The following PLCG2 variants were observed in gnomAD, a reference collection of about 807,000 sequenced individuals.
The protein encoded by PLCG2 is 1-phosphatidylinositol 4,5-bisphosphate phosphodiesterase gamma-2.
A neutral mutation model predicts 175.6 loss-of-function variants in PLCG2; 69 were observed. That is an observed-to-expected ratio of 0.39 (90% CI 0.32 to 0.48). The LOEUF (loss-of-function observed/expected upper bound fraction) is 0.48. Ranked by LOEUF, PLCG2 falls within the 20% of genes least tolerant of loss-of-function variation. The pLI, the probability that PLCG2 is intolerant of heterozygous loss-of-function variation, is 0.91. For synonymous variants in PLCG2, 827 were observed against 624.0 expected, an observed-to-expected ratio of 1.33 and a Z score of -4.85; for missense variants, 1,798 against 1,650.9, an observed-to-expected ratio of 1.09 and a Z score of -1.54.
upstream of PLCG2, among the ~76,000 whole-genome samples, chr16:81,778,017 A>AAAAAAAG (rs1910486914): frequency 5.7e-5 from 1 of 17,668 alleles, no homozygotes; most frequent in Non-Finnish European, 9.1e-5. Context: ...ACTTTGTCTC[A>AAAAAAAG]AAAAAAAAAA....
intron 1 of PLCG2, among the ~76,000 whole-genome samples, chr16:81,751,475 G>A (rs1361090024): frequency 3.9e-5 from 6 of 152,182 alleles, no homozygotes; most frequent in East Asian, 1.9e-4. Context: ...GCTCGAGGAC[G>A]GGAAATGGGG....
intron 21 of PLCG2, among the ~76,000 whole-genome samples, chr16:81,922,760 C>T (rs374508837): frequency 9.8e-5 from 15 of 152,330 alleles, no homozygotes; most frequent in South Asian, 6.2e-4. Context: ...GGTTTGACAA[C>T]GTCAGAGCTT....
At chr16:81,956,565 T>C in intron 31 of PLCG2, 130 bp from the exon 32 acceptor site, 17 of 646,192 alleles carry the variant, frequency 2.6e-5, no homozygotes, top group Non-Finnish European at 4.2e-5. Context: ...CCCTGGCTCT[T>C]CTGGGCTAAT....
At chr16:81,788,946 C>T (rs549305871) in intron 2 of PLCG2, among the ~76,000 whole-genome samples, 20 of 152,304 alleles carry the variant, frequency 1.3e-4, no homozygotes, top group African/African-American at 4.1e-4. Context: ...AGATGGGCCA[C>T]GTTGAGACTG....
In PLCG2 at chr16:81,881,263, C is replaced by G. The variant is rs8053344; in HGVS notation, c.692+310C>G. ...GGTTAATAGTTTTTTTTTTTAATTA[C>G]AAAAACTAATGTTAATGATCAAATA... On this transcript the variant is annotated intron_variant, in intron 8 of 32. Transcript: ENST00000564138. 8.3e-3 allele frequency among the ~76,000 whole-genome samples: 1,257 copies of G among 151,752 alleles called. 18 individuals carry two copies. The highest frequency in any genetic ancestry group is 0.029 in the African/African-American group (1,212 of 41,392).
intron 2 of PLCG2, among the ~76,000 whole-genome samples, chr16:81,832,086 C>A (rs1241654903): frequency 2.1e-5 from 3 of 142,540 alleles, no homozygotes; most frequent in African/African-American, 7.5e-5. Context: ...CGGCCTCAGT[C>A]TTCTCCTTTG....
intron 24 of PLCG2, 97 bp from the exon 25 acceptor site, chr16:81,931,400 G>T: frequency 8.4e-7 from 1 of 1,193,032 alleles, no homozygotes; most frequent in South Asian, 1.4e-5. Flanking sequence ...AGCAGTGGTG[G>T]TTGGTCCATG....
chr16:81,763,833 G>A (rs1468015503), intron 2 of PLCG2, among the ~76,000 whole-genome samples: 1 of 151,630 alleles, frequency 6.6e-6, no homozygotes, highest in Non-Finnish European at 1.5e-5. Flanking sequence ...TGGGCGTGGT[G>A]GCAGGCACTT....
chr16:81,919,739 C>A, intron 20 of PLCG2, 75 bp downstream of exon 20: 4 of 1,288,252 alleles, frequency 3.1e-6, no homozygotes, highest in Non-Finnish European at 4.4e-6. Flanking sequence ...ATGAATTCAG[C>A]AAACCTCTGA....
chr16:81,858,198 G>A, intron 3 of PLCG2, 65 bp from the exon 4 acceptor site: 2 of 1,135,626 alleles, frequency 1.8e-6, no homozygotes, highest in Non-Finnish European at 2.7e-6. Context: ...TATGGGGCAG[G>A]GCTTTGTAAG....
At chr16:81,844,699 T>G (rs1877199299) in intron 2 of PLCG2, among the ~76,000 whole-genome samples, 3 of 152,210 alleles carry the variant, frequency 2.0e-5, no homozygotes, top group Non-Finnish European at 4.4e-5. Flanking sequence ...ATTGTGCATT[T>G]TGCATAAAAA....
chr16:81,764,191 G>A (rs765151517), intron 2 of PLCG2, among the ~76,000 whole-genome samples: 6 of 152,130 alleles, frequency 3.9e-5, no homozygotes, highest in Non-Finnish European at 8.8e-5. Flanking sequence ...CTACTCCGGA[G>A]GCTGAGTGGG....
rs1262356748 is a variant in PLCG2 at position 81,844,940 on chromosome 16, T to C, written c.194-9504T>C. 2.6e-5 allele frequency among the ~76,000 whole-genome samples: 4 copies of C among 152,140 alleles called. 1 individual carries two copies. The highest frequency in any genetic ancestry group is 9.7e-5 in the African/African-American group (4 of 41,404). Reference sequence around the variant, plus strand: ...TAAATTGAGACACCATGTTCTTTCTTTTTTTCTGAGACAGGGTCTTGCTCT... The same window carrying C: ...TAAATTGAGACACCATGTTCTTTCTCTTTTTCTGAGACAGGGTCTTGCTCT... On this transcript the variant is annotated intron_variant, in intron 2 of 32. Coordinates refer to ENST00000564138, the MANE Select transcript of PLCG2 (RefSeq NM_002661.5).
At position 81,910,574 on chromosome 16, in the gene PLCG2, C is replaced by A. The variant is rs1909575968; in HGVS notation, c.1788C>A (p.Thr596=). 6.2e-7 allele frequency: 1 copy of A among 1,614,140 alleles called. No homozygotes were observed. Among genetic ancestry groups the A allele is most frequent in the African/African-American group, 1.3e-5 (1 of 75,056 alleles). The change falls in exon 18 of 33, where the codon ACC becomes ACA. Residue 596 remains threonine (T), a synonymous_variant. Transcript: ENST00000564138. ...TCCGCTCCACCATGGAGGGCGGGAC[C>A]CTGAAATACTACTTGACTGACAACC... ...CRIRSTMEGG[T]LKYYLTDNLT...
chr16:81,847,075 A>G (rs1053135338), intron 2 of PLCG2, among the ~76,000 whole-genome samples: 11 of 152,218 alleles, frequency 7.2e-5, no homozygotes, highest in African/African-American at 2.4e-4. Context: ...GTTGTGGCCT[A>G]TGCTTTTGAC....
intron 2 of PLCG2, among the ~76,000 whole-genome samples, chr16:81,794,491 C>A (rs995912518): frequency 6.6e-6 from 1 of 152,048 alleles, no homozygotes; most frequent in Non-Finnish European, 1.5e-5. Flanking sequence ...AATGTATTTG[C>A]CTTTCAGTTA....
At chr16:81,830,522 G>C (rs752726802) in intron 2 of PLCG2, among the ~76,000 whole-genome samples, 1 of 151,904 alleles carries the variant, frequency 6.6e-6, no homozygotes, top group Non-Finnish European at 1.5e-5. Context: ...GGCCATGCTG[G>C]TCTTGGAACT....
rs116458694 is a variant in PLCG2, at chr16:81,800,074, A to C, written c.193+13892A>C. On this transcript the variant is annotated intron_variant, in intron 2 of 32. Coordinates refer to ENST00000564138, the MANE Select transcript of PLCG2 (RefSeq NM_002661.5). ...TCATTGCACTCATCTGTAAAATAGG[A>C]TAATAATGGTACCTATTACACTGGA... 2.0e-3 allele frequency among the ~76,000 whole-genome samples: 301 copies of C among 152,334 alleles called. 1 individual carries two copies. The highest frequency in any genetic ancestry group is 6.4e-3 in the African/African-American group (268 of 41,570).
intron 2 of PLCG2, among the ~76,000 whole-genome samples, chr16:81,768,728 G>A (rs1910209276): frequency 6.6e-6 from 1 of 151,742 alleles, no homozygotes; most frequent in Admixed American, 6.6e-5. Flanking sequence ...ACCATACCTG[G>A]GAAATTTTTT....
Sources: allele counts gnomAD v4.1 joint callset (sites outside exome capture counted in the v4.1 genomes callset), GRCh38; gene constraint gnomAD v4.1.1; transcripts MANE v1.5; gene names NCBI Gene and HGNC (gene_info 2026-07-23, HGNC 2026-07-21).